Variants in SORBS2 observed in about 807,000 individuals in gnomAD.
SORBS2 encodes sorbin and SH3 domain containing 2, also known as sorbin and SH3 domain-containing protein 2.
A neutral mutation model predicts 97.7 loss-of-function variants in SORBS2; 46 were observed. That is an observed-to-expected ratio of 0.47 (90% CI 0.37 to 0.60). SORBS2 has a LOEUF of 0.60. Ranked by LOEUF, SORBS2 falls within the 20% of genes least tolerant of loss-of-function variation. SORBS2 has a pLI of 0.00. For synonymous variants in SORBS2, 476 were observed against 473.4 expected (o/e 1.01, Z -0.07); for missense variants, 1,316 against 1,282.3 (o/e 1.03, Z -0.40).
chr4:185,624,550 C>A, intron 6 of SORBS2, 56 bp from the exon 19 acceptor site: 1 of 1,521,668 alleles, frequency 6.6e-7, no homozygotes. Flanking sequence ...TTAAAAGGTT[C>A]ACAAAGAGAG....
At chr4:185,622,746 G>A (rs575676469) in intron 7 of SORBS2, among the ~76,000 whole-genome samples, 168 bp downstream of exon 19, 1 of 152,292 alleles carries the variant, frequency 6.6e-6, no homozygotes, top group African/African-American at 2.4e-5. Context: ...ATGGGCAAAT[G>A]AGAAATATTC....
upstream of SORBS2, among the ~76,000 whole-genome samples, chr4:185,660,033 T>C (rs1561749692): frequency 6.6e-6 from 1 of 152,242 alleles, no homozygotes; most frequent in Non-Finnish European, 1.5e-5. Context: ...AAAATTCATC[T>C]AGGGCAAGGT....
At chr4:185,916,735 G>A (rs991966913) in intron 1 of SORBS2, among the ~76,000 whole-genome samples, 7 of 152,162 alleles carry the variant, frequency 4.6e-5, no homozygotes, top group Non-Finnish European at 7.3e-5. Flanking sequence ...CTGTAGAGGA[G>A]AGCGATGCTA....
At chr4:185,811,699 T>C (rs968095650) in intron 1 of SORBS2, 1 of 152,250 alleles carries the variant, frequency 6.6e-6, no homozygotes, top group Non-Finnish European at 1.5e-5. Flanking sequence ...GGAAGCCCCT[T>C]CTCCGCCTCG....
chr4:185,803,842 C>T (rs1251428362), intron 1 of SORBS2, among the ~76,000 whole-genome samples: 1 of 152,158 alleles, frequency 6.6e-6, no homozygotes, highest in African/African-American at 2.4e-5. Flanking sequence ...TATTATCAGT[C>T]ATCTGAGTTA....
rs145394825 is a variant in SORBS2, at chr4:185,591,591, T to A, written c.2847-1806A>T. 4.5e-3 allele frequency among the ~76,000 whole-genome samples: 680 copies of A among 152,306 alleles called. 7 individuals are homozygous for A. The highest frequency in any genetic ancestry group is 0.016 in the African/African-American group (658 of 41,574). On this transcript the variant is annotated intron_variant, in intron 13 of 14. Coordinates refer to ENST00000418609, the Ensembl canonical transcript of SORBS2. The stretch of plus-strand genomic sequence containing the variant: ...TCTTTTGTGTATCTGTGGGGAAAGT[T>A]CACGGTCCCTTTTCCAGTTTCACAT...
chr4:185,603,629 T>C (rs1471163770), intron 12 of SORBS2, among the ~76,000 whole-genome samples: 1 of 152,206 alleles, frequency 6.6e-6, no homozygotes, highest in African/African-American at 2.4e-5. Context: ...GAGGGTGAGC[T>C]ATTGTTTGAA....
chr4:185,824,906 G>C (rs1364970709), intron 1 of SORBS2, among the ~76,000 whole-genome samples: 1 of 152,164 alleles, frequency 6.6e-6, no homozygotes, highest in Non-Finnish European at 1.5e-5. Flanking sequence ...CCCCACACGG[G>C]TGGCAGGCGG....
chr4:185,699,435 T>A (rs114433394), intron 2 of SORBS2, among the ~76,000 whole-genome samples: 1,831 of 152,034 alleles, frequency 0.012, 27 homozygotes, highest in African/African-American at 0.039. Flanking sequence ...TACCGGTGTG[T>A]GCCATCATGC....
intron 1 of SORBS2, among the ~76,000 whole-genome samples, chr4:185,944,225 A>C (rs1399176240): frequency 1.3e-5 from 2 of 152,226 alleles, no homozygotes; most frequent in African/African-American, 4.8e-5. Context: ...ATTCTAAGTA[A>C]GTGACTGGCA....
intron 1 of SORBS2, among the ~76,000 whole-genome samples, chr4:185,950,482 T>C (rs1211524035): frequency 6.6e-6 from 1 of 152,192 alleles, no homozygotes; most frequent in East Asian, 1.9e-4. Context: ...AGAACCTCTA[T>C]ATTCTGTGCA....
chr4:185,643,495 T>C (rs2097160731), intron 4 of SORBS2, among the ~76,000 whole-genome samples: 1 of 152,130 alleles, frequency 6.6e-6, no homozygotes, highest in East Asian at 1.9e-4. Context: ...GGAGGTTTTA[T>C]AAAGATTTTC....
At chr4:185,894,524 C>T (rs897683709) in intron 1 of SORBS2, among the ~76,000 whole-genome samples, 2 of 152,174 alleles carry the variant, frequency 1.3e-5, no homozygotes, top group Non-Finnish European at 2.9e-5. Context: ...GAACCCAGAG[C>T]CCCTCTGTCC....
Position 185,654,697 on chromosome 4 carries a change from G to A in SORBS2, c.24+1918C>T, listed in dbSNP as rs181407118. 7.2e-5 allele frequency among the ~76,000 whole-genome samples: 11 copies of A among 152,290 alleles called. No homozygotes were observed. The East Asian group carries it at 1.3e-3, about 19-fold the overall frequency. On this transcript the variant is annotated intron_variant, in intron 1 of 14. Coordinates refer to ENST00000418609, the Ensembl canonical transcript of SORBS2. ...TTTTGTAAATGCCATCATGGAGATCGCTATGCCTAAGGCTGAGAATAAGAA... is the reference window on the plus strand; with the variant it reads ...TTTTGTAAATGCCATCATGGAGATCACTATGCCTAAGGCTGAGAATAAGAA...
chr4:185,799,305 C>T (rs986615117), intron 1 of SORBS2, among the ~76,000 whole-genome samples: 17 of 152,166 alleles, frequency 1.1e-4, no homozygotes, highest in African/African-American at 4.1e-4. Context: ...TTTCCATTGT[C>T]TGCATTTTAG....
At chr4:185,950,495 T>A (rs1248291112) in intron 1 of SORBS2, among the ~76,000 whole-genome samples, 3 of 152,064 alleles carry the variant, frequency 2.0e-5, no homozygotes, top group African/African-American at 7.2e-5. Context: ...TCTGTGCAGG[T>A]TGAGGGTTTG....
chr4:185,875,760 T>C (rs2149757240), intron 1 of SORBS2, among the ~76,000 whole-genome samples: 1 of 152,370 alleles, frequency 6.6e-6, no homozygotes, highest in African/African-American at 2.4e-5. Flanking sequence ...CGTGCATATG[T>C]AACTACACAT....
upstream of SORBS2, among the ~76,000 whole-genome samples, chr4:185,661,522 T>C (rs1427210690): frequency 1.3e-5 from 2 of 152,204 alleles, no homozygotes; most frequent in African/African-American, 4.8e-5. Context: ...ACGATTGCTC[T>C]ATACAATGAC....
chr4:185,654,687 C>T (rs2097367246), intron 1 of SORBS2, among the ~76,000 whole-genome samples: 1 of 152,334 alleles, frequency 6.6e-6, no homozygotes, highest in South Asian at 2.1e-4. Context: ...TAAATGCCAT[C>T]ATGGAGATCG....
Sources: gnomAD v4.1 joint callset for allele counts (sites outside exome capture counted in the v4.1 genomes callset) on GRCh38, gnomAD v4.1.1 for gene constraint, MANE v1.5 for transcripts, NCBI Gene and HGNC (gene_info 2026-07-23, HGNC 2026-07-21) for gene names.